SEMA3A: variants seen among roughly 807,000 people sequenced by gnomAD.
The protein encoded by SEMA3A is semaphorin 3A.
In SEMA3A, 29 loss-of-function variants were observed where a neutral mutation model predicts 97.9. The observed-to-expected ratio is 0.30, with a 90% CI of 0.22 to 0.40. The LOEUF (loss-of-function observed/expected upper bound fraction) is 0.40. Ranked by LOEUF, SEMA3A falls within the 10% of genes least tolerant of loss-of-function variation. SEMA3A has a pLI of 1.00. For synonymous variants in SEMA3A, 321 were observed against 323.7 expected (o/e 0.99, Z 0.09); for missense variants, 763 against 951.3 (o/e 0.80, Z 2.60).
intron 15 of SEMA3A, among the ~76,000 whole-genome samples, chr7:83,963,689 T>G (rs1435734681): frequency 6.6e-6 from 1 of 152,226 alleles, no homozygotes; most frequent in African/African-American, 2.4e-5. Context: ...TGCAAAACTC[T>G]GTGCTTGGAC....
At chr7:84,425,441 A>C (rs931254806) in intron 1 of SEMA3A, among the ~76,000 whole-genome samples, 2 of 132,602 alleles carry the variant, frequency 1.5e-5, no homozygotes. Flanking sequence ...AAATATAGGC[A>C]TATATTTATA....
chr7:83,995,170 T>C (rs913639254), intron 12 of SEMA3A, among the ~76,000 whole-genome samples: 1 of 152,116 alleles, frequency 6.6e-6, no homozygotes, highest in Admixed American at 6.5e-5. Flanking sequence ...TCACCCTGCT[T>C]CGGCTCGCGC....
At chr7:84,421,752 T>A (rs1804600696) in intron 1 of SEMA3A, among the ~76,000 whole-genome samples, 1 of 152,150 alleles carries the variant, frequency 6.6e-6, no homozygotes, top group Non-Finnish European at 1.5e-5. Flanking sequence ...ATCGAAGGCC[T>A]TTTCTGCATC....
chr7:84,231,949 A>G (rs1220459295), intron 3 of SEMA3A, among the ~76,000 whole-genome samples: 1 of 151,886 alleles, frequency 6.6e-6, no homozygotes, highest in Non-Finnish European at 1.5e-5. Context: ...TTCTTAGAGT[A>G]GAAGGAGAGA....
intron 1 of SEMA3A, among the ~76,000 whole-genome samples, chr7:84,408,587 T>C (rs1461663667): frequency 6.6e-6 from 1 of 152,232 alleles, no homozygotes; most frequent in African/African-American, 2.4e-5. Flanking sequence ...TAAAGACACA[T>C]GCACACATAT....
chr7:84,361,961 A>C (rs768131762), intron 2 of SEMA3A, among the ~76,000 whole-genome samples: 1 of 151,926 alleles, frequency 6.6e-6, no homozygotes, highest in Non-Finnish European at 1.5e-5. Flanking sequence ...AAAACAGATT[A>C]TAGCTTTCAG....
intron 2 of SEMA3A, among the ~76,000 whole-genome samples, chr7:84,313,217 T>G (rs1310111768): frequency 6.9e-6 from 1 of 145,282 alleles, no homozygotes; most frequent in Admixed American, 7.0e-5. Flanking sequence ...AGTTCCAAAT[T>G]TAAAATATTT....
At chr7:84,067,085 C>T (rs573875565) in intron 4 of SEMA3A, among the ~76,000 whole-genome samples, 3 of 152,008 alleles carry the variant, frequency 2.0e-5, no homozygotes, top group Admixed American at 1.3e-4. Context: ...TATAGATCAA[C>T]GGAAGAGAAC....
chr7:83,978,879 G>A (rs1270101998), intron 14 of SEMA3A, among the ~76,000 whole-genome samples: 1 of 152,134 alleles, frequency 6.6e-6, no homozygotes, highest in East Asian at 1.9e-4. Flanking sequence ...ATTGGATTAA[G>A]TAAAATCTGT....
chr7:83,991,796 C>T, intron 12 of SEMA3A, among the ~76,000 whole-genome samples: 1 of 135,910 alleles, frequency 7.4e-6, no homozygotes, highest in Non-Finnish European at 1.6e-5. Context: ...TTGGTTGTGT[C>T]TCTGCCTGGC....
intron 3 of SEMA3A, among the ~76,000 whole-genome samples, chr7:84,208,197 A>C (rs893738839): frequency 3.3e-5 from 5 of 152,336 alleles, no homozygotes; most frequent in Non-Finnish European, 7.3e-5. Flanking sequence ...TCATGACTGT[A>C]ATCTCAGCAC....
chr7:84,113,604 C>T (rs1258154272), intron 3 of SEMA3A, among the ~76,000 whole-genome samples: 1 of 152,140 alleles, frequency 6.6e-6, no homozygotes, highest in Non-Finnish European at 1.5e-5. Flanking sequence ...GGAGGATTTA[C>T]AATGTAATAA....
At chr7:84,100,773 T>C (rs1794938751) in intron 4 of SEMA3A, among the ~76,000 whole-genome samples, 2 of 152,230 alleles carry the variant, frequency 1.3e-5, no homozygotes, top group Non-Finnish European at 2.9e-5. Flanking sequence ...CAAGGTCATC[T>C]GGGCATTGTT....
At chr7:83,994,395 C>A (rs1230005424) in intron 12 of SEMA3A, among the ~76,000 whole-genome samples, 1 of 120,018 alleles carries the variant, frequency 8.3e-6, no homozygotes, top group Non-Finnish European at 1.7e-5. Context: ...AGGTGCTCTG[C>A]TTTTTAGAGT....
chr7:84,005,651 T>C (rs751638687), intron 10 of SEMA3A, 93 bp from the exon 11 acceptor site: 2 of 895,592 alleles, frequency 2.2e-6, no homozygotes, highest in Non-Finnish European at 3.4e-6. Flanking sequence ...TGGTTCTACT[T>C]AAAATAGTAG....
In SEMA3A at chr7:84,011,063, A is replaced by C; in HGVS notation, c.954T>G (p.Asp318Glu). The change falls in exon 9 of 17, where the codon GAT becomes GAG. Residue 318 changes from aspartate to glutamate, a missense_variant. By Grantham distance (45) the Asp-to-Glu change is conservative. Transcript: ENST00000265362. ...LQDVFLMNFK[D>E]PKNPVVYGVF... The stretch of plus-strand genomic sequence containing the variant: ...CTCCATATACAACTGGATTTTTAGG[A>C]TCTTTAAAGTTCATTAGGAATACAT... The C allele has an allele frequency of 6.2e-7, 1 of 1,612,566 alleles. No homozygotes were observed. The highest frequency in any genetic ancestry group is 8.5e-7 in the Non-Finnish European group (1 of 1,179,010).
At chr7:84,194,859 A>AT, upstream of SEMA3A, 1 of 249,998 alleles carries the variant, frequency 4.0e-6, no homozygotes, top group African/African-American at 2.2e-5. Context: ...TTGTGTGGAA[A>AT]GAAAAAAAAA....
chr7:84,431,635 C>A (rs1177173055), intron 1 of SEMA3A, among the ~76,000 whole-genome samples: 1 of 150,076 alleles, frequency 6.7e-6, no homozygotes, highest in African/African-American at 2.4e-5. Context: ...TTTTTTTTAA[C>A]AAGGCTACCT....
At chr7:84,113,391 T>C (rs1032540073) in intron 3 of SEMA3A, among the ~76,000 whole-genome samples, 1 of 152,184 alleles carries the variant, frequency 6.6e-6, no homozygotes, top group African/African-American at 2.4e-5. Context: ...AAACAGGATA[T>C]TCATTTTATT....
Sources: allele counts gnomAD v4.1 joint callset (sites outside exome capture counted in the v4.1 genomes callset), GRCh38; gene constraint gnomAD v4.1.1; transcripts MANE v1.5; gene names NCBI Gene and HGNC (gene_info 2026-07-23, HGNC 2026-07-21).